CDKL1: variants seen among roughly 807,000 people sequenced by gnomAD.
CDKL1 encodes cyclin dependent kinase like 1.
A neutral mutation model predicts 42.0 loss-of-function variants in CDKL1; 41 were observed. That is an observed-to-expected ratio of 0.98 (90% CI 0.76 to 1.27). The LOEUF (loss-of-function observed/expected upper bound fraction) is 1.27, where lower values mean the gene tolerates loss of function less well. CDKL1 is among the 50% of genes most tolerant of loss of function. The pLI, the probability that CDKL1 is intolerant of heterozygous loss-of-function variation, is 0.00. For missense variants in CDKL1, 394 were observed against 428.4 expected (o/e 0.92, Z 0.71); for synonymous variants, 153 against 158.6 (o/e 0.96, Z 0.26).
Position 50,381,527 on chromosome 14 carries a change from C to T in CDKL1, c.168+14174G>A, listed in dbSNP as rs147702375. ...GGTCTCTTCTGCATTCCTCTCAAGA[C>T]CCAGCACAGGCCAGTGATGTGCACC... On this transcript the variant is annotated intron_variant, in intron 2 of 9. Transcript: ENST00000395834. 2.7e-3 allele frequency among the ~76,000 whole-genome samples: 408 copies of T among 152,286 alleles called. 2 individuals carry two copies. Among genetic ancestry groups the T allele is most frequent in the Non-Finnish European group, 4.4e-3 (299 of 68,018 alleles).
chr14:50,348,720 A>G (rs528892823), intron 3 of CDKL1, among the ~76,000 whole-genome samples: 95 of 152,358 alleles, frequency 6.2e-4, no homozygotes, highest in Non-Finnish European at 1.2e-3. Context: ...CTATGAGCAT[A>G]TAACCAGAGA....
intron 3 of CDKL1, among the ~76,000 whole-genome samples, chr14:50,354,897 T>C (rs886901242): frequency 1.3e-5 from 2 of 152,120 alleles, no homozygotes; most frequent in African/African-American, 4.8e-5. Flanking sequence ...ATTAAAACAT[T>C]ACTATAATAA....
chr14:50,363,187 C>T (rs774471995), intron 2 of CDKL1: 11 of 218,644 alleles, frequency 5.0e-5, no homozygotes, highest in South Asian at 1.1e-4. Context: ...GAACAAACTC[C>T]GGACACGCCG....
chr14:50,354,559 A>C (rs1226344781), intron 3 of CDKL1, among the ~76,000 whole-genome samples: 1 of 152,246 alleles, frequency 6.6e-6, no homozygotes, highest in Non-Finnish European at 1.5e-5. Flanking sequence ...CAGGGAGACC[A>C]ATCATCTATA....
intron 2 of CDKL1, among the ~76,000 whole-genome samples, chr14:50,367,719 C>A (rs539745285): frequency 6.6e-6 from 1 of 152,258 alleles, no homozygotes; most frequent in African/African-American, 2.4e-5. Flanking sequence ...TTCCTATATA[C>A]AAGTCTGTGA....
intron 2 of CDKL1, among the ~76,000 whole-genome samples, chr14:50,361,221 T>A (rs765339522): frequency 3.3e-5 from 5 of 152,186 alleles, no homozygotes; most frequent in Non-Finnish European, 7.4e-5. Context: ...CACATTTGTA[T>A]GGGCAGTGAC....
rs1007935876 is a variant in CDKL1, at chr14:50,390,274, C to A, written c.168+5427G>T. On this transcript the variant is annotated intron_variant, in intron 2 of 9. Coordinates refer to ENST00000395834, the MANE Select transcript of CDKL1 (RefSeq NM_004196.7). ...CTAATATATTTTAACGCCCCCATAC[C>A]ACCTGCCATAGGTAGAACGTCTGCC... is the stretch of plus-strand genomic sequence containing the variant. 2.2e-6 allele frequency: 3 copies of A among 1,366,334 alleles called. No individual in the cohort carries two copies. The African/African-American group carries it at 4.4e-5, about 20-fold the overall frequency. The allele number at this position is 1,366,334 out of a possible 1,614,324, so 84.6% of individuals were successfully genotyped here.
chr14:50,394,977 A>G (rs527384009), intron 2 of CDKL1, among the ~76,000 whole-genome samples: 6 of 152,168 alleles, frequency 3.9e-5, no homozygotes, highest in Non-Finnish European at 8.8e-5. Flanking sequence ...TCTCTAAAAA[A>G]TGTTAAAAAA....
chr14:50,334,531 T>C (rs1219265513), intron 8 of CDKL1, 34 bp downstream of exon 8: 1 of 1,232,856 alleles, frequency 8.1e-7, no homozygotes, highest in East Asian at 2.3e-5. Flanking sequence ...AACTGCTGTG[T>C]GCTTCCTGGT....
intron 3 of CDKL1, among the ~76,000 whole-genome samples, chr14:50,355,329 A>G (rs1037973158): frequency 1.3e-5 from 2 of 152,212 alleles, no homozygotes; most frequent in Non-Finnish European, 1.5e-5. Flanking sequence ...TAAATTGTTC[A>G]AAGTAGACTT....
At chr14:50,344,069 T>G (rs981929646) in intron 4 of CDKL1, among the ~76,000 whole-genome samples, 1 of 152,236 alleles carries the variant, frequency 6.6e-6, no homozygotes, top group Non-Finnish European at 1.5e-5. Flanking sequence ...GCTCTAACTT[T>G]GGAATCTGGT....
Position 50,338,921 on chromosome 14 carries a change from A to T in CDKL1, c.738+26T>A, listed in dbSNP as rs201870526. 314 of 1,441,796 alleles carry T rather than the reference A, an allele frequency of 2.2e-4. 2 individuals carry two copies. In the East Asian group the frequency reaches 6.2e-3, roughly 29 times the overall value. The allele number at this position is 1,441,796 out of a possible 1,614,324, so 89.3% of individuals were successfully genotyped here. A position where few individuals can be genotyped will look rare whatever the true frequency, so the allele number is the denominator to read the frequency against. On this transcript the variant is annotated intron_variant, in intron 7 of 9. Coordinates refer to ENST00000395834, the MANE Select transcript of CDKL1 (RefSeq NM_004196.7). ...AAAGCCTAGCTAGCCTGGCCTACAG[A>T]GCTCTCTCCAAAATGGGTAACTCAC... is the stretch of plus-strand genomic sequence containing the variant.
intron 4 of CDKL1, among the ~76,000 whole-genome samples, chr14:50,344,145 C>T (rs575266243): frequency 9.2e-5 from 14 of 152,314 alleles, no homozygotes; most frequent in African/African-American, 1.7e-4. Context: ...TGTGAAGTCA[C>T]GTCACCTGGG....
At chr14:50,361,452 A>C (rs1370745222) in intron 2 of CDKL1, among the ~76,000 whole-genome samples, 2 of 152,252 alleles carry the variant, frequency 1.3e-5, no homozygotes, top group Non-Finnish European at 2.9e-5. Context: ...GTAATTTATA[A>C]AGAACAGAAC....
chr14:50,338,896 A>G (rs1325468766), intron 7 of CDKL1, 51 bp downstream of exon 7: 2 of 1,185,658 alleles, frequency 1.7e-6, no homozygotes, highest in East Asian at 4.7e-5. Context: ...AATAACAACC[A>G]AAGCCTAGCT....
chr14:50,388,198 A>G (rs60738271), intron 2 of CDKL1, among the ~76,000 whole-genome samples: 61,220 of 152,044 alleles, frequency 0.4, 13,626 homozygotes, highest in African/African-American at 0.6. Flanking sequence ...TGAGGTTTTT[A>G]CTGAGTGAGG....
intron 8 of CDKL1, chr14:50,334,189 C>A: frequency 6.2e-6 from 1 of 162,156 alleles, no homozygotes; most frequent in East Asian, 1.7e-4. Flanking sequence ...CGGAGTCTTA[C>A]TCTGTCACCC....
chr14:50,350,145 A>C (rs1439822242), intron 3 of CDKL1, among the ~76,000 whole-genome samples: 1 of 152,180 alleles, frequency 6.6e-6, no homozygotes, highest in Non-Finnish European at 1.5e-5. Flanking sequence ...TCCTGGGTTC[A>C]AGTGATTCTC....
chr14:50,362,905 C>G (rs192445027), intron 2 of CDKL1: 3 of 446,476 alleles, frequency 6.7e-6, no homozygotes, highest in Admixed American at 4.7e-5. Context: ...GCACCATTCA[C>G]ACTGTGGAAG....
Sources: gnomAD v4.1 joint callset for allele counts (sites outside exome capture counted in the v4.1 genomes callset) on GRCh38, gnomAD v4.1.1 for gene constraint, MANE v1.5 for transcripts, NCBI Gene and HGNC (gene_info 2026-07-23, HGNC 2026-07-21) for gene names.